The following IDUA variants were observed in gnomAD, a reference collection of about 807,000 sequenced individuals.
IDUA encodes the protein alpha-L-iduronidase.
IDUA carries 65 observed loss-of-function variants against 68.9 expected under a neutral mutation model. The observed-to-expected ratio is 0.94, with a 90% CI of 0.77 to 1.16. IDUA has a LOEUF of 1.16. Among genes scored for constraint, IDUA ranks in the 50% most tolerant of loss-of-function variants. IDUA has a pLI of 0.00. For missense variants in IDUA, 1,046 were observed against 938.0 expected (o/e 1.12, Z -1.50); for synonymous variants, 529 against 433.6 (o/e 1.22, Z -2.73).
At chr4:1,003,502 C>A (rs201636700) in intron 11 of IDUA, 32 bp downstream of exon 11, 1 of 1,599,404 alleles carries the variant, frequency 6.3e-7, no homozygotes, top group Non-Finnish European at 8.5e-7. Context: ...CGCGCCGCGG[C>A]CCGGACTCCC....
intron 2 of IDUA, among the ~76,000 whole-genome samples, chr4:995,340 G>C (rs996020745): frequency 1.3e-5 from 2 of 151,350 alleles, no homozygotes; most frequent in African/African-American, 4.9e-5. Context: ...ACCGTGCCCG[G>C]CCAGTTCTGT....
chr4:997,251 C>T (rs1405475532), intron 2 of IDUA, among the ~76,000 whole-genome samples: 1 of 151,956 alleles, frequency 6.6e-6, no homozygotes, highest in Admixed American at 6.5e-5. Flanking sequence ...TCGTCCCGGC[C>T]ACAGATGCAG....
At chr4:1,002,982 G>A in intron 9 of IDUA, 38 bp downstream of exon 9, 3 of 1,399,548 alleles carry the variant, frequency 2.1e-6, no homozygotes, top group Non-Finnish European at 2.8e-6. Context: ...GGCCCCGCTG[G>A]GGCTCTGGAG....
At position 991,815 on chromosome 4, in the gene IDUA, G is replaced by A. The variant is rs139770304; in HGVS notation, c.299+3866G>A. 4.9e-3 allele frequency: 7,520 copies of A among 1,533,502 alleles called. 22 individuals carry two copies. The highest frequency in any genetic ancestry group is 5.8e-3 in the Non-Finnish European group (6,697 of 1,145,754). The allele number at this position is 1,533,502 out of a possible 1,614,324, so 95.0% of individuals were successfully genotyped here. A position where few individuals can be genotyped will look rare whatever the true frequency, so the allele number is the denominator to read the frequency against. ...GTCCCCGGCAGCAACGGGCCCCTTGGGGCGGACCCCTCGCCCACCCAGGGC... is the reference window on the plus strand; with the variant it reads ...GTCCCCGGCAGCAACGGGCCCCTTGAGGCGGACCCCTCGCCCACCCAGGGC... On this transcript the variant is annotated intron_variant, in intron 2 of 13. Transcript: ENST00000514224.
At position 989,751 on chromosome 4, in the gene IDUA, G is replaced by A. The variant is rs773383372; in HGVS notation, c.299+1802G>A. The A allele has an allele frequency of 2.1e-5, 32 of 1,557,278 alleles. No homozygotes were observed. In the East Asian group the frequency reaches 2.2e-4, roughly 10 times the overall value. ...TCACCAGGCTCTTGGCCAGGGCGGC[G>A]CTGGTGGCGAAGCAGTGGAGGAAGG... On this transcript the variant is annotated intron_variant, in intron 2 of 13. Transcript: ENST00000514224.
chr4:991,076 C>G, intron 2 of IDUA: 2 of 1,498,412 alleles, frequency 1.3e-6, no homozygotes, highest in Admixed American at 4.7e-5. Context: ...ATGGCCAAAA[C>G]CTAAGGGGGG....
chr4:991,199 G>A (rs1714277188), intron 2 of IDUA: 3 of 1,602,296 alleles, frequency 1.9e-6, no homozygotes, highest in African/African-American at 2.7e-5. Flanking sequence ...CCGCAGTCCA[G>A]CATGGCAGCC....
chr4:991,438 G>A (rs777080027), intron 2 of IDUA: 2 of 1,612,770 alleles, frequency 1.2e-6, no homozygotes, highest in Admixed American at 1.7e-5. Flanking sequence ...CAATGAGTAG[G>A]CGATGGCCTG....
rs749053703 is a variant in IDUA at position 1,003,408 on chromosome 4, C to T, written c.1588C>T (p.Leu530=). ...AGGRLTLRPA[L]RLPSLLLVHV... ...CGGCCGCCTGACCCTGCGCCCCGCGCTGCGGCTGCCGTCGCTTTTGCTGGT... is the reference window on the plus strand; with the variant it reads ...CGGCCGCCTGACCCTGCGCCCCGCGTTGCGGCTGCCGTCGCTTTTGCTGGT... Residue 530 remains leucine, a synonymous_variant, in exon 11 of 14, where the codon CTG becomes TTG. Transcript: ENST00000514224. 6.5e-7 allele frequency: 1 copy of T among 1,526,954 alleles called. No individual in the cohort carries two copies. The highest frequency in any genetic ancestry group is 2.5e-5 in the East Asian group (1 of 40,094). 94.6% of individuals were successfully genotyped at this position (1,526,954 alleles called of 1,614,324 possible).
At chr4:1,002,711 C>T (rs1715172066) in intron 8 of IDUA, 21 bp from the exon 9 acceptor site, 1 of 1,403,252 alleles carries the variant, frequency 7.1e-7, no homozygotes, top group Non-Finnish European at 9.5e-7. Context: ...CACGCGGCGA[C>T]GGCCCCCCCC....
At position 987,789 on chromosome 4, in the gene IDUA, C is replaced by A. The variant is rs779331976; in HGVS notation, c.159-20C>A. The A allele has an allele frequency of 3.7e-6, 6 of 1,611,654 alleles. No individual in the cohort carries two copies. Among genetic ancestry groups the A allele is most frequent in the Middle Eastern group, 1.7e-4 (1 of 5,940 alleles). On this transcript the variant is annotated intron_variant, in intron 1 of 13. Coordinates refer to ENST00000514224, the MANE Select transcript of IDUA (RefSeq NM_000203.5). ...GCCATGCTGAGGCTCGGGACTGAGC[C>A]GCCCCTTTGTTGTCCCCAGCCCCCC...
chr4:990,298 C>A, intron 2 of IDUA: 1 of 1,604,332 alleles, frequency 6.2e-7, no homozygotes, highest in Non-Finnish European at 8.5e-7. Flanking sequence ...CATGGCAAAG[C>A]CATCGAGCAG....
rs763532209 is a variant in IDUA, at chr4:1,000,964, C to G, written c.468C>G (p.Val156=). 18 of 1,613,120 alleles carry G rather than the reference C, an allele frequency of 1.1e-5. No individual in the cohort carries two copies. The highest frequency in any genetic ancestry group is 1.5e-5 in the Non-Finnish European group (18 of 1,179,720). ...KQQVFEWKDL[V]SSLARRYIGR... is the part of the protein sequence containing the mutation. ...AGGTGTTTGAGTGGAAGGACTTGGT[C>G]TCCAGCCTGGCCAGGAGATACATCG... The change falls in exon 4 of 14, where the codon GTC becomes GTG. Residue 156 remains valine (V), a synonymous_variant. Transcript: ENST00000514224.
Position 1,000,667 on chromosome 4 carries a change from G to A in IDUA, c.355G>A (p.Asp119Asn), listed in dbSNP as rs765255638. 1 of 1,612,454 alleles carries A rather than the reference G, an allele frequency of 6.2e-7. No homozygotes were observed. The highest frequency in any genetic ancestry group is 8.5e-7 in the Non-Finnish European group (1 of 1,179,842). Residue 119 changes from aspartate to asparagine, a missense_variant, in exon 3 of 14, where the codon GAC becomes AAC. Transcript: ENST00000514224. Reference protein sequence around the residue: ...YNFTHLDGYLDLLRENQLLPG... With the variant: ...YNFTHLDGYLNLLRENQLLPG... ...CTTCACCCACCTGGACGGGTACCTG[G>A]ACCTTCTCAGGGAGAACCAGCTCCT...
intron 2 of IDUA, chr4:990,474 C>A (rs1369505142): frequency 9.2e-7 from 1 of 1,081,634 alleles, no homozygotes; most frequent in East Asian, 2.6e-5. Flanking sequence ...CCTGACAATT[C>A]TGTGTTGCGG....
intron 2 of IDUA, chr4:988,263 C>T: frequency 1.6e-6 from 2 of 1,229,134 alleles, no homozygotes; most frequent in Non-Finnish European, 2.0e-6. Flanking sequence ...GCCACTGCAC[C>T]TGAGGGCTGA....
chr4:999,130 G>A (rs147755266), intron 2 of IDUA, among the ~76,000 whole-genome samples: 2,627 of 151,982 alleles, frequency 0.017, 68 homozygotes, highest in African/African-American at 0.055. Context: ...GTGTGAACCC[G>A]GGAGGGGGAG....
At position 987,194 on chromosome 4, in the gene IDUA, C is replaced by T. The variant is rs1379438809; in HGVS notation, c.110C>T (p.Ala37Val). The T allele has an allele frequency of 2.0e-6, 3 of 1,477,512 alleles. No homozygotes were observed. The highest frequency in any genetic ancestry group is 2.7e-6 in the Non-Finnish European group (3 of 1,120,688). 91.5% of individuals were successfully genotyped at this position (1,477,512 alleles called of 1,614,324 possible). A position where few individuals can be genotyped will look rare whatever the true frequency, so the allele number is the denominator to read the frequency against. ...CCGCACCTGGTGCATGTGGACGCGG[C>T]CCGCGCGCTGTGGCCCCTGCGGCGC... ...EAPHLVHVDAARALWPLRRFW... is the reference protein window; with the variant it reads ...EAPHLVHVDAVRALWPLRRFW... The change falls in exon 1 of 14, where the codon GCC (alanine) becomes GTC (valine). Residue 37 changes from alanine (A) to valine (V), a missense_variant. Physicochemically the swap from Ala to Val is moderately conservative, Grantham distance 64. Transcript: ENST00000514224.
intron 1 of IDUA, 137 bp downstream of exon 1, chr4:987,379 C>G (rs1285012509): frequency 1.4e-5 from 13 of 930,878 alleles, no homozygotes; most frequent in East Asian, 3.2e-5. Context: ...CGCCCCCCGC[C>G]GTGTTTGTGG....
Sources: gnomAD v4.1 joint callset for allele counts (sites outside exome capture counted in the v4.1 genomes callset) on GRCh38, gnomAD v4.1.1 for gene constraint, MANE v1.5 for transcripts, NCBI Gene and HGNC (gene_info 2026-07-23, HGNC 2026-07-21) for gene names.